Variants in SLC9A3 observed in about 807,000 individuals in gnomAD.
The protein encoded by SLC9A3 is sodium/hydrogen exchanger 3.
Under a neutral mutation model 86.8 loss-of-function variants are expected in SLC9A3, and 37 were observed. The observed-to-expected ratio is 0.43, with a 90% CI of 0.33 to 0.56. SLC9A3 has a LOEUF of 0.56. Among genes scored for constraint, SLC9A3 ranks in the 20% least tolerant of loss-of-function variants. The pLI is 0.06. For synonymous variants in SLC9A3, 581 were observed against 528.3 expected (o/e 1.10, Z -1.37); for missense variants, 1,011 against 1,171.9 (o/e 0.86, Z 2.00).
At position 482,585 on chromosome 5, in the gene SLC9A3, G is replaced by A; in HGVS notation, c.1319C>T (p.Thr440Ile). Residue 440 changes from threonine (T) to isoleucine (I), a missense_variant, in exon 7 of 17, where the codon ACC becomes ATC. Around this residue, in one of 3 missense-constraint regions of SLC9A3, gnomAD observed 565 missense variants for 790.0 expected, o/e 0.72. Coordinates refer to ENST00000264938, the MANE Select transcript of SLC9A3 (RefSeq NM_004174.4). Reference protein sequence around the residue: ...KVKEKNLFVSTTIIVVFFTVI... With the variant: ...KVKEKNLFVSITIIVVFFTVI... ...GGTGAAGAACACTACGATGATGGTG[G>A]TGCTGACGAACAGGTTCTTCTCCTT... 6.2e-7 allele frequency: 1 copy of A among 1,612,920 alleles called. No individual in the cohort carries two copies. The highest frequency in any genetic ancestry group is 8.5e-7 in the Non-Finnish European group (1 of 1,179,888).
intron 10 of SLC9A3, 130 bp from the exon 11 acceptor site, chr5:477,574 A>ACACC (rs777017388): frequency 3.7e-5 from 22 of 600,960 alleles, no homozygotes; most frequent in Non-Finnish European, 5.8e-5. Flanking sequence ...CCCCGGGTTC[A>ACACC]CGCCTCACAG....
Position 479,869 on chromosome 5 carries a change from C to T in SLC9A3, c.1614G>A (p.Leu538=), listed in dbSNP as rs367993737. 5.6e-6 allele frequency: 9 copies of T among 1,613,774 alleles called. No individual in the cohort carries two copies. The highest frequency in any genetic ancestry group is 1.3e-5 in the African/African-American group (1 of 74,932). ...CGTAGCTGATGGCATCCTTCAGGTT[C>T]AGCTCGTGGAAGACATTCAGGATCC... is the stretch of plus-strand genomic sequence containing the variant. The part of the protein sequence containing the change: ...RDRILNVFHE[L]NLKDAISYVA... The change falls in exon 10 of 17, where the codon CTG becomes CTA. Residue 538 remains leucine (L), a synonymous_variant. Transcript: ENST00000264938.
intron 9 of SLC9A3, 74 bp downstream of exon 9, chr5:481,491 C>A (rs1275407789): frequency 1.2e-5 from 15 of 1,279,562 alleles, no homozygotes; most frequent in Non-Finnish European, 1.7e-5. Context: ...CATGTGGCTT[C>A]TGGTTCTTCC....
Position 472,235 on chromosome 5 carries a change from C to T in SLC9A3, c.*1144G>A, listed in dbSNP as rs1316797492. On this transcript the variant is annotated 3_prime_UTR_variant, in exon 17 of 17. Coordinates refer to ENST00000264938, the MANE Select transcript of SLC9A3 (RefSeq NM_004174.4). ...AGAGGACCAGGAGCTCTGTCCAAGG[C>T]CTCGCCCTGGGACGCTGGAAGGGGT... 5.6e-6 allele frequency: 2 copies of T among 356,528 alleles called. No individual in the cohort carries two copies. The highest frequency in any genetic ancestry group is 7.4e-5 in the East Asian group (1 of 13,582). 22.1% of individuals were successfully genotyped at this position (356,528 alleles called of 1,614,324 possible).
At chr5:478,720 G>A (rs537998092) in intron 10 of SLC9A3, 1 of 154,760 alleles carries the variant, frequency 6.5e-6, no homozygotes, top group East Asian at 1.9e-4. Context: ...CCAGAGGCCA[G>A]AGCCCCCACT....
rs72035978 is a variant in SLC9A3 at position 496,332 on chromosome 5, G to GCCGCACC, written c.212-4268_212-4262dup. Among the ~76,000 whole-genome samples, 32,811 of 151,858 alleles carry GCCGCACC rather than the reference G, an allele frequency of 0.22. 3,726 individuals carry two copies. The highest frequency in any genetic ancestry group is 0.26 in the Admixed American group (4,006 of 15,240). On this transcript the variant is annotated intron_variant, in intron 1 of 16. Transcript: ENST00000264938. This position sits in a 1 kb window ranked among gnomAD's most constrained non-coding sequence, Gnocchi z 4.7. Reference sequence around the variant, plus strand: ...CGTCCCACCTGCCCACGGGGGAGGAGCCGCACCCATCCCCACCGGCCAGGC... The same window carrying GCCGCACC: ...CGTCCCACCTGCCCACGGGGGAGGAGCCGCACCCCGCACCCATCCCCACCGGCCAGGC...
intron 5 of SLC9A3, among the ~76,000 whole-genome samples, chr5:484,186 G>GA (rs1397689290): frequency 0.018 from 51 of 2,858 alleles, no homozygotes; most frequent in Non-Finnish European, 0.027. Context: ...AGCTCGGGTT[G>GA]GGGTCCCCCT....
At chr5:489,964 C>A (rs1739649788) in intron 2 of SLC9A3, among the ~76,000 whole-genome samples, 1 of 152,260 alleles carries the variant, frequency 6.6e-6, no homozygotes. Context: ...CCTGTCCCCA[C>A]ACTGCCCGGA....
At chr5:522,224 C>T (rs557137190) in intron 1 of SLC9A3, among the ~76,000 whole-genome samples, 4 of 152,306 alleles carry the variant, frequency 2.6e-5, no homozygotes, top group East Asian at 1.9e-4. Flanking sequence ...CTGCTGGAGC[C>T]GGCAGCCTCC....
chr5:486,363 A>G (rs1289059277), intron 3 of SLC9A3, among the ~76,000 whole-genome samples: 2 of 152,134 alleles, frequency 1.3e-5, no homozygotes, highest in African/African-American at 4.8e-5. Context: ...CCCATGACTC[A>G]CTTCCGGGAG....
Position 477,331 on chromosome 5 carries a change from C to T in SLC9A3, c.1760+1G>A. 6.3e-7 allele frequency: 1 copy of T among 1,592,400 alleles called. No homozygotes were observed. The highest frequency in any genetic ancestry group is 1.1e-5 in the South Asian group (1 of 90,146). On this transcript the variant is annotated splice_donor_variant, in intron 11 of 16. Coordinates refer to ENST00000264938, the MANE Select transcript of SLC9A3 (RefSeq NM_004174.4). LOFTEE classifies it high-confidence loss of function. The stretch of plus-strand genomic sequence containing the variant: ...GAAGCTGCATGACCATGGCCACATA[C>T]AGGAGGTAGGAGACAGAGGCCTCCA...
chr5:507,368 C>G (rs1197977121), intron 1 of SLC9A3, among the ~76,000 whole-genome samples: 2 of 146,836 alleles, frequency 1.4e-5, no homozygotes, highest in Non-Finnish European at 3.0e-5. Context: ...GGGGTTTCAC[C>G]GTTTTTTTTT....
At chr5:494,417 C>G (rs1043045955) in intron 1 of SLC9A3, among the ~76,000 whole-genome samples, 20 of 152,194 alleles carry the variant, frequency 1.3e-4, no homozygotes, top group African/African-American at 4.8e-4. Flanking sequence ...TCAGGGCAGC[C>G]TGGGACCCCC....
At chr5:476,442 C>T in intron 12 of SLC9A3, 64 bp from the exon 13 acceptor site, 4 of 1,606,892 alleles carry the variant, frequency 2.5e-6, no homozygotes, top group Non-Finnish European at 3.4e-6. Flanking sequence ...CCTCCTGCCG[C>T]AGGAGCTGAG....
At chr5:476,161 A>T (rs770412279) in intron 13 of SLC9A3, 41 bp downstream of exon 13, 6 of 1,612,456 alleles carry the variant, frequency 3.7e-6, no homozygotes, top group Non-Finnish European at 4.2e-6. Flanking sequence ...CCCCCGCTCC[A>T]GGCCCCAGCC....
rs150074627 is a variant in SLC9A3, at chr5:520,158, G to A, written c.211+3954C>T. On this transcript the variant is annotated intron_variant, in intron 1 of 16. Coordinates refer to ENST00000264938, the MANE Select transcript of SLC9A3 (RefSeq NM_004174.4). ...CACCTCCCTGAGCCAGCGCTGCCCA[G>A]CTCTGGAGTTCAGGCCCCATGGGAT... 5.8e-3 allele frequency among the ~76,000 whole-genome samples: 889 copies of A among 151,988 alleles called. 7 individuals carry two copies. Among genetic ancestry groups the A allele is most frequent in the Non-Finnish European group, 6.5e-3 (441 of 67,954 alleles).
chr5:488,349 G>A lies in SLC9A3; in HGVS notation c.642C>T (p.Phe214=), dbSNP rs765455835. 1.1e-5 allele frequency: 17 copies of A among 1,612,710 alleles called. No homozygotes were observed. Among genetic ancestry groups the A allele is most frequent in the South Asian group, 9.9e-5 (9 of 91,086 alleles). ...HVNEVLFIIV[F]GESLLNDAVT... ...CTGCGTCGTTCAGCAGCGACTCCCC[G>A]AAGACGATGATGAACAGGACCTCGT... Residue 214 remains phenylalanine (F), a synonymous_variant, in exon 3 of 17, where the codon TTC becomes TTT. Coordinates refer to ENST00000264938, the MANE Select transcript of SLC9A3 (RefSeq NM_004174.4).
intron 1 of SLC9A3, among the ~76,000 whole-genome samples, chr5:512,105 G>C (rs912720112): frequency 3.9e-4 from 59 of 152,236 alleles, no homozygotes; most frequent in Admixed American, 1.0e-3. Context: ...CGGGTTAGGG[G>C]GAGAGAGGGA....
Position 484,521 on chromosome 5 carries a change from C to T in SLC9A3, c.931G>A (p.Ala311Thr), listed in dbSNP as rs201704801. 4.9e-5 allele frequency: 79 copies of T among 1,612,842 alleles called. No individual in the cohort carries two copies. The highest frequency in any genetic ancestry group is 4.7e-4 in the East Asian group (21 of 44,880). Residue 311 changes from alanine to threonine, a missense_variant and splice_region_variant, in exon 5 of 17, where the codon GCC becomes ACC. By Grantham distance (58) the Ala-to-Thr change is moderately conservative. Coordinates refer to ENST00000264938, the MANE Select transcript of SLC9A3 (RefSeq NM_004174.4). ...CTCGCGTGTGTGGGAGGGACTCACG[C>T]GAGGATGGCCGACAGCGACAGCATC... Reference protein sequence around the residue: ...SEMLSLSAILAITFCGICCQK... With the variant: ...SEMLSLSAILTITFCGICCQK...
Sources: gnomAD v4.1 joint callset for allele counts (sites outside exome capture counted in the v4.1 genomes callset) on GRCh38, gnomAD v4.1.1 for gene constraint, gnomAD v4.1.1 regional missense constraint, Gnocchi (gnomAD v3.1) non-coding constraint, MANE v1.5 for transcripts, NCBI Gene and HGNC (gene_info 2026-07-23, HGNC 2026-07-21) for gene names.